Variants in ZNF407 observed in about 807,000 individuals in gnomAD.
The protein encoded by ZNF407 is zinc finger protein 407.
Under a neutral mutation model 131.2 loss-of-function variants are expected in ZNF407, and 17 were observed. The observed-to-expected ratio is 0.13, with a 90% CI of 0.09 to 0.19. The LOEUF is 0.19. Among genes scored for constraint, ZNF407 ranks in the 10% least tolerant of loss-of-function variants. The probability of loss-of-function intolerance (pLI) is 1.00; values close to 1 mark genes in which losing one functional copy is unlikely to be tolerated. For missense variants in ZNF407, 2,681 were observed against 2,830.6 expected (o/e 0.95, Z 1.20); for synonymous variants, 1,156 against 1,062.0 (o/e 1.09, Z -1.72).
chr18:74,861,456 G>T (rs1373573972), intron 4 of ZNF407, among the ~76,000 whole-genome samples: 1 of 152,206 alleles, frequency 6.6e-6, no homozygotes, highest in African/African-American at 2.4e-5. Context: ...ATAAGGCTAT[G>T]TTAGTGTCAG....
intron 1 of ZNF407, among the ~76,000 whole-genome samples, chr18:74,620,690 A>C (rs1983475685): frequency 6.6e-6 from 1 of 152,200 alleles, no homozygotes; most frequent in South Asian, 2.1e-4. Flanking sequence ...TTGTAGGGTC[A>C]GGCTACATGT....
chr18:74,799,809 T>G (rs1471544452), intron 4 of ZNF407, among the ~76,000 whole-genome samples: 3 of 152,008 alleles, frequency 2.0e-5, no homozygotes, highest in Non-Finnish European at 2.9e-5. Context: ...AGGATGAATA[T>G]TCAATCAAAG....
chr18:74,632,086 C>T lies in ZNF407; in HGVS notation c.1067C>T (p.Ser356Leu). The change falls in exon 2 of 9, where the codon TCA becomes TTA. Residue 356 changes from serine to leucine, a missense_variant. Ser to Leu is a moderately radical substitution (Grantham distance 145, BLOSUM62 -2). Transcript: ENST00000299687. ...ATGATGCCTTCCAGAAATACTTTGT[C>T]ACAGGAAGTAGAGATTGTTGAAGAA... ...VEMMPSRNTL[S>L]QEVEIVEEHV... The T allele has an allele frequency of 6.2e-7, 1 of 1,613,868 alleles. No individual in the cohort carries two copies. Among genetic ancestry groups the T allele is most frequent in the East Asian group, 2.2e-5 (1 of 44,882 alleles).
chr18:74,867,461 A>T (rs528494848), intron 4 of ZNF407, among the ~76,000 whole-genome samples: 1 of 152,312 alleles, frequency 6.6e-6, no homozygotes, highest in South Asian at 2.1e-4. Flanking sequence ...CCAATGTTGT[A>T]GAAATATTGA....
chr18:74,956,562 A>T (rs1972277334), intron 8 of ZNF407, among the ~76,000 whole-genome samples: 1 of 152,096 alleles, frequency 6.6e-6, no homozygotes, highest in South Asian at 2.1e-4. Context: ...TCCTGACATA[A>T]TATGTGCAGC....
chr18:74,742,686 A>G (rs1968577993), intron 3 of ZNF407, among the ~76,000 whole-genome samples: 1 of 152,156 alleles, frequency 6.6e-6, no homozygotes, highest in African/African-American at 2.4e-5. Flanking sequence ...TACTTGTAGA[A>G]TGTAGCTGCA....
At chr18:75,018,763 C>A in intron 8 of ZNF407, among the ~76,000 whole-genome samples, 1 of 151,604 alleles carries the variant, frequency 6.6e-6, no homozygotes, top group Non-Finnish European at 1.5e-5. Flanking sequence ...AAATTGAGAC[C>A]CTTTGTTTTA....
At chr18:74,619,832 A>C (rs1024455454) in intron 1 of ZNF407, among the ~76,000 whole-genome samples, 1 of 152,242 alleles carries the variant, frequency 6.6e-6, no homozygotes, top group Admixed American at 6.5e-5. Context: ...AAAATTCATT[A>C]TAATGTCTTT....
At chr18:74,966,484 AT>A (rs1972411212) in intron 8 of ZNF407, among the ~76,000 whole-genome samples, 1 of 151,826 alleles carries the variant, frequency 6.6e-6, no homozygotes, top group Non-Finnish European at 1.5e-5. Flanking sequence ...AGGTATGTGG[AT>A]TTGTTTCTGG....
At chr18:74,962,420 C>T (rs1044433477) in intron 8 of ZNF407, among the ~76,000 whole-genome samples, 25 of 152,184 alleles carry the variant, frequency 1.6e-4, no homozygotes, top group African/African-American at 6.0e-4. Flanking sequence ...GCGTGGGCCC[C>T]TGTTTCTCCA....
At chr18:74,910,778 C>G (rs1360266560) in intron 7 of ZNF407, among the ~76,000 whole-genome samples, 1 of 152,132 alleles carries the variant, frequency 6.6e-6, no homozygotes, top group East Asian at 1.9e-4. Flanking sequence ...TTGCATTTGT[C>G]TTTCTTGTCT....
chr18:74,646,648 A>G (rs1984986925), intron 3 of ZNF407, among the ~76,000 whole-genome samples: 1 of 152,226 alleles, frequency 6.6e-6, no homozygotes, highest in Non-Finnish European at 1.5e-5. Flanking sequence ...TACTGAATGA[A>G]CATTTACGAT....
chr18:74,631,027 A>C lies in ZNF407; in HGVS notation c.8A>C (p.Asp3Ala). 6.2e-7 allele frequency: 1 copy of C among 1,608,088 alleles called. No homozygotes were observed. The highest frequency in any genetic ancestry group is 1.1e-5 in the South Asian group (1 of 90,248). The change falls in exon 2 of 9, where the codon GAT becomes GCT. Residue 3 changes from aspartate to alanine, a missense_variant. Physicochemically the swap from Asp to Ala is moderately radical, Grantham distance 126 (BLOSUM62 -2). This residue lies in a region of ZNF407 where 1,789 missense variants were observed against 1,748.7 expected (regional missense o/e 1.02). Transcript: ENST00000299687. ...ATCGTCAGCACTTTATTAATGATGG[A>C]TAGTGAGAATAAACCCGAAAATGAT... Reference protein sequence around the residue: MMDSENKPENDED... With the variant: MMASENKPENDED...
intron 6 of ZNF407, among the ~76,000 whole-genome samples, chr18:74,882,486 G>A (rs1012490202): frequency 1.3e-5 from 2 of 152,182 alleles, no homozygotes; most frequent in Non-Finnish European, 2.9e-5. Context: ...TTGATATGTT[G>A]TATTTAACAG....
chr18:74,617,653 A>T (rs942851535), intron 1 of ZNF407, among the ~76,000 whole-genome samples: 4 of 152,116 alleles, frequency 2.6e-5, no homozygotes, highest in Non-Finnish European at 4.4e-5. Flanking sequence ...AGGTGATGTC[A>T]TGCCCTTCTC....
At chr18:74,945,459 C>CA (rs113422972) in intron 8 of ZNF407, among the ~76,000 whole-genome samples, 15 of 152,228 alleles carry the variant, frequency 9.9e-5, no homozygotes, top group African/African-American at 3.4e-4. Flanking sequence ...AGAGAAAAGA[C>CA]AGAGTTTGGC....
intron 4 of ZNF407, among the ~76,000 whole-genome samples, chr18:74,853,632 C>T (rs1397266261): frequency 6.6e-6 from 1 of 152,160 alleles, no homozygotes; most frequent in East Asian, 1.9e-4. Flanking sequence ...TACAAAGAGT[C>T]TGCAGCGCTA....
chr18:74,754,856 C>G (rs978315620), intron 3 of ZNF407, among the ~76,000 whole-genome samples: 14 of 152,140 alleles, frequency 9.2e-5, no homozygotes, highest in African/African-American at 2.9e-4. Flanking sequence ...CTGTAGATGT[C>G]TATTAGATCC....
intron 4 of ZNF407, among the ~76,000 whole-genome samples, chr18:74,853,715 GCTCT>G (rs535428837): frequency 2.4e-4 from 37 of 152,132 alleles, no homozygotes; most frequent in African/African-American, 8.4e-4. Flanking sequence ...CTGTGTTGCT[GCTCT>G]CTGTTTGTTC....
Sources: gnomAD v4.1 joint callset for allele counts (sites outside exome capture counted in the v4.1 genomes callset) on GRCh38, gnomAD v4.1.1 for gene constraint, gnomAD v4.1.1 regional missense constraint, MANE v1.5 for transcripts, NCBI Gene and HGNC (gene_info 2026-07-23, HGNC 2026-07-21) for gene names.